The following CADM2 variants were observed in gnomAD, a reference collection of about 807,000 sequenced individuals.
CADM2 encodes immunoglobulin superfamily member 4D.
A neutral mutation model predicts 49.8 loss-of-function variants in CADM2; 12 were observed. The ratio of observed to expected loss-of-function variants is 0.24; its 90% CI spans 0.15 to 0.39. The LOEUF (loss-of-function observed/expected upper bound fraction) is 0.39, where lower values mean the gene tolerates loss of function less well. Ranked by LOEUF, CADM2 falls within the 10% of genes least tolerant of loss-of-function variation. The pLI is 1.00. For missense variants in CADM2, 378 were observed against 492.3 expected (o/e 0.77, Z 2.20); for synonymous variants, 214 against 175.4 (o/e 1.22, Z -1.74).
chr3:85,546,126 G>A (rs1282972895), intron 1 of CADM2, among the ~76,000 whole-genome samples: 2 of 152,018 alleles, frequency 1.3e-5, no homozygotes, highest in Non-Finnish European at 2.9e-5. Flanking sequence ...TTACCTTTAT[G>A]CTCAAGTCCC....
chr3:85,359,669 T>A lies in CADM2; in HGVS notation c.62-366853T>A, dbSNP rs1354985625. ...ATATATATATATATATATATATATT[T>A]TTTTTTTTGGTGGAGGGGAGAAGAC... On this transcript the variant is annotated intron_variant, in intron 1 of 9. Coordinates refer to ENST00000383699, the MANE Select transcript of CADM2 (RefSeq NM_001167675.2). Among the ~76,000 whole-genome samples the A allele has an allele frequency of 4.8e-3, 519 of 109,258 alleles. 8 individuals are homozygous for A. Among genetic ancestry groups the A allele is most frequent in the African/African-American group, 0.018 (504 of 28,748 alleles). The allele number at this position is 109,258 out of a possible 152,430, so 71.7% of individuals were successfully genotyped here.
At chr3:85,679,814 C>T (rs1335847346) in intron 1 of CADM2, among the ~76,000 whole-genome samples, 1 of 151,992 alleles carries the variant, frequency 6.6e-6, no homozygotes, top group African/African-American at 2.4e-5. Flanking sequence ...TGAATAAAAA[C>T]CATAGATTTT....
chr3:85,284,611 C>G (rs2043582879), intron 1 of CADM2, among the ~76,000 whole-genome samples: 1 of 152,034 alleles, frequency 6.6e-6, no homozygotes, highest in Non-Finnish European at 1.5e-5. Context: ...ACATTCCCAG[C>G]TGAGGAAATA....
intron 1 of CADM2, among the ~76,000 whole-genome samples, chr3:85,078,860 T>C (rs1034367079): frequency 2.0e-5 from 3 of 151,864 alleles, no homozygotes; most frequent in African/African-American, 4.8e-5. Flanking sequence ...CGTAGCACTT[T>C]ATAATAAAGT....
intron 8 of CADM2, among the ~76,000 whole-genome samples, chr3:86,016,631 G>A (rs1233198541): frequency 1.3e-5 from 2 of 152,092 alleles, no homozygotes; most frequent in Admixed American, 1.3e-4. Context: ...AAAGGTGCGG[G>A]GAGGTGGAAA....
intron 1 of CADM2, among the ~76,000 whole-genome samples, chr3:85,601,363 G>T (rs1009464575): frequency 1.3e-5 from 2 of 150,280 alleles, no homozygotes; most frequent in Non-Finnish European, 3.0e-5. Flanking sequence ...ATTTTTATCA[G>T]ATGGGTATTT....
At chr3:85,165,447 C>T (rs1370540169) in intron 1 of CADM2, among the ~76,000 whole-genome samples, 1 of 151,816 alleles carries the variant, frequency 6.6e-6, no homozygotes, top group Non-Finnish European at 1.5e-5. Flanking sequence ...TAATGTTATT[C>T]CACTTTAGGC....
chr3:85,485,760 T>C (rs2107635740), intron 1 of CADM2, among the ~76,000 whole-genome samples: 1 of 152,224 alleles, frequency 6.6e-6, no homozygotes, highest in Non-Finnish European at 1.5e-5. Context: ...CTAAGAGTCA[T>C]TATAAGAGGA....
Position 85,950,336 on chromosome 3 carries a change from A to G in CADM2, c.792-11133A>G, listed in dbSNP as rs74631552. The stretch of plus-strand genomic sequence containing the variant: ...AAGTCCTTAAGAGATTAGCTTAGGC[A>G]TTTGTCACAATCTTCAATATTTTTC... On this transcript the variant is annotated intron_variant, in intron 7 of 9. Transcript: ENST00000383699. 6.6e-5 allele frequency among the ~76,000 whole-genome samples: 10 copies of G among 151,304 alleles called. No homozygotes were observed. The East Asian group carries it at 2.0e-3, about 30-fold the overall frequency.
intron 1 of CADM2, among the ~76,000 whole-genome samples, chr3:85,381,590 A>AT (rs60898880): frequency 1.6e-3 from 232 of 147,980 alleles, no homozygotes; most frequent in African/African-American, 5.2e-3. Context: ...GCCATTCCTT[A>AT]TTTTTTTTTT....
At chr3:85,861,397 T>A (rs1402322255) in intron 3 of CADM2, among the ~76,000 whole-genome samples, 3 of 152,170 alleles carry the variant, frequency 2.0e-5, no homozygotes, top group Non-Finnish European at 4.4e-5. Context: ...AAGAATGACT[T>A]TCTGGTTTAT....
chr3:85,604,448 A>T (rs1054130587), intron 1 of CADM2, among the ~76,000 whole-genome samples: 2 of 151,934 alleles, frequency 1.3e-5, no homozygotes, highest in African/African-American at 4.8e-5. Context: ...ACCATACATC[A>T]CGACATGCTG....
chr3:85,762,155 T>G (rs2069421807), intron 2 of CADM2, among the ~76,000 whole-genome samples: 1 of 152,084 alleles, frequency 6.6e-6, no homozygotes. Context: ...AAAGTTACAG[T>G]GCAATCAGAA....
chr3:85,923,383 A>T (rs1230681289), intron 6 of CADM2, among the ~76,000 whole-genome samples: 2 of 152,100 alleles, frequency 1.3e-5, no homozygotes, highest in African/African-American at 4.8e-5. Flanking sequence ...AACTTGTTTT[A>T]CTGTCATTTT....
intron 6 of CADM2, among the ~76,000 whole-genome samples, chr3:85,921,302 C>A: frequency 6.6e-6 from 1 of 151,850 alleles, no homozygotes; most frequent in Non-Finnish European, 1.5e-5. Context: ...TCTGAATAAA[C>A]TATAAACACA....
chr3:86,018,708 AC>A (rs1378295536), intron 8 of CADM2, among the ~76,000 whole-genome samples: 1 of 152,042 alleles, frequency 6.6e-6, no homozygotes, highest in African/African-American at 2.4e-5. Context: ...TCCTTCGCCC[AC>A]TTTTTGATGG....
At chr3:85,987,672 T>C (rs1205499779) in intron 8 of CADM2, among the ~76,000 whole-genome samples, 1 of 146,786 alleles carries the variant, frequency 6.8e-6, no homozygotes, top group Non-Finnish European at 1.5e-5. Flanking sequence ...ATAATATAAA[T>C]TTATATTTAT....
At chr3:84,988,306 T>G (rs2032697933) in intron 1 of CADM2, among the ~76,000 whole-genome samples, 1 of 152,256 alleles carries the variant, frequency 6.6e-6, no homozygotes, top group African/African-American at 2.4e-5. Context: ...TTCTATTTCC[T>G]TTTCCTTTGC....
intron 1 of CADM2, among the ~76,000 whole-genome samples, chr3:85,577,624 T>C (rs67874038): frequency 0.31 from 46,627 of 152,034 alleles, 8,147 homozygotes; most frequent in East Asian, 0.55. Flanking sequence ...TTATTTTCTA[T>C]TATTAAAAAC....
Sources: allele counts gnomAD v4.1 joint callset (sites outside exome capture counted in the v4.1 genomes callset), GRCh38; gene constraint gnomAD v4.1.1; transcripts MANE v1.5; gene names NCBI Gene and HGNC (gene_info 2026-07-23, HGNC 2026-07-21).